Variants in WDR7 observed in about 807,000 individuals in gnomAD.
WDR7 encodes WD repeat-containing protein 7.
In WDR7, 46 loss-of-function variants were observed where a neutral mutation model predicts 169.4. The observed-to-expected ratio is 0.27, with a 90% CI of 0.21 to 0.35. The LOEUF is 0.35. Among genes scored for constraint, WDR7 ranks in the 10% least tolerant of loss-of-function variants. The probability of loss-of-function intolerance (pLI) is 1.00; values close to 1 mark genes in which losing one functional copy is unlikely to be tolerated. For missense variants in WDR7, 1,534 were observed against 1,859.3 expected (o/e 0.83, Z 3.22); for synonymous variants, 612 against 666.8 (o/e 0.92, Z 1.27).
intron 12 of WDR7, chr18:56,699,880 C>CA (rs1463223982): frequency 1.0e-6 from 1 of 985,234 alleles, no homozygotes; most frequent in Admixed American, 6.1e-5. Context: ...AGACAGACTC[C>CA]AGACCCCCTT....
At chr18:56,730,992 A>C (rs1216546993) in intron 13 of WDR7, among the ~76,000 whole-genome samples, 1 of 152,188 alleles carries the variant, frequency 6.6e-6, no homozygotes, top group Admixed American at 6.5e-5. Flanking sequence ...AATTTTAGTA[A>C]GACTTTTTTC....
chr18:56,669,160 G>C (rs1472061016), intron 1 of WDR7, among the ~76,000 whole-genome samples: 1 of 152,050 alleles, frequency 6.6e-6, no homozygotes, highest in Non-Finnish European at 1.5e-5. Flanking sequence ...TGCTCTTGTT[G>C]ACTGGAGTAT....
Position 56,686,750 on chromosome 18 carries a change from C to G in WDR7, c.598-105C>G, listed in dbSNP as rs2025451568. 4 of 963,682 alleles carry G rather than the reference C, an allele frequency of 4.2e-6. No individual in the cohort carries two copies. The South Asian group carries it at 5.9e-5, about 14-fold the overall frequency. 59.7% of individuals were successfully genotyped at this position (963,682 alleles called of 1,614,324 possible). A position where few individuals can be genotyped will look rare whatever the true frequency, so the allele number is the denominator to read the frequency against. On this transcript the variant is annotated intron_variant, in intron 6 of 27. Transcript: ENST00000254442. ...TTACCTGAGGGGCTAAAATGATGAA[C>G]ATATGAAGCGATGCCTTTATTTAAT...
intron 26 of WDR7, among the ~76,000 whole-genome samples, chr18:57,001,831 A>G (rs919980088): frequency 3.3e-5 from 5 of 152,148 alleles, no homozygotes; most frequent in African/African-American, 9.6e-5. Flanking sequence ...CATCACGTTT[A>G]TGTTTATCTG....
At chr18:56,829,750 G>C (rs1165087727) in intron 20 of WDR7, among the ~76,000 whole-genome samples, 2 of 152,194 alleles carry the variant, frequency 1.3e-5, no homozygotes, top group African/African-American at 4.8e-5. Context: ...ATTTTATTAA[G>C]AACTGTGATA....
chr18:56,806,191 A>G (rs1396092590), intron 19 of WDR7, among the ~76,000 whole-genome samples: 1 of 152,206 alleles, frequency 6.6e-6, no homozygotes, highest in Non-Finnish European at 1.5e-5. Context: ...TCTCTAGTGT[A>G]AAGTCCTTGT....
intron 26 of WDR7, among the ~76,000 whole-genome samples, chr18:57,003,444 T>C (rs1484626175): frequency 6.6e-6 from 1 of 152,012 alleles, no homozygotes; most frequent in African/African-American, 2.4e-5. Flanking sequence ...AAAAAGTCCT[T>C]TAAAAAGCAC....
At chr18:56,850,222 T>G (rs2045621706) in intron 20 of WDR7, among the ~76,000 whole-genome samples, 1 of 152,248 alleles carries the variant, frequency 6.6e-6, no homozygotes, top group African/African-American at 2.4e-5. Context: ...AGTTTTATTT[T>G]CCTTATAAAA....
At chr18:56,940,430 T>G (rs138256733) in intron 25 of WDR7, among the ~76,000 whole-genome samples, 205 of 152,288 alleles carry the variant, frequency 1.3e-3, no homozygotes, top group African/African-American at 4.7e-3. Flanking sequence ...CATCCCAAAA[T>G]TTAAAAACAT....
At chr18:56,997,143 C>T (rs2047909404) in intron 26 of WDR7, among the ~76,000 whole-genome samples, 1 of 152,106 alleles carries the variant, frequency 6.6e-6, no homozygotes. Context: ...TAAAACAAAC[C>T]TGGATAAACA....
downstream of WDR7, chr18:57,031,636 C>A (rs979000509): frequency 1.3e-5 from 2 of 152,140 alleles, no homozygotes; most frequent in African/African-American, 4.8e-5. Context: ...TAATAAATCC[C>A]GTTCTATTCT....
intron 1 of WDR7, among the ~76,000 whole-genome samples, chr18:56,655,517 G>A (rs2024747477): frequency 6.6e-6 from 1 of 151,690 alleles, no homozygotes; most frequent in African/African-American, 2.4e-5. Flanking sequence ...CTACTTGGGG[G>A]GCTGAGGTGG....
chr18:56,756,468 C>T (rs565489102), intron 14 of WDR7, 115 bp from the exon 15 acceptor site: 2 of 956,144 alleles, frequency 2.1e-6, no homozygotes, highest in African/African-American at 3.3e-5. Flanking sequence ...ATATAGGTTC[C>T]TAGAAGGACA....
intron 26 of WDR7, chr18:57,010,254 T>C: frequency 2.0e-6 from 2 of 985,470 alleles, no homozygotes; most frequent in Non-Finnish European, 2.4e-6. Context: ...ACATTTTGTG[T>C]GACTTTTTAG....
intron 20 of WDR7, among the ~76,000 whole-genome samples, chr18:56,823,878 C>T (rs1041379251): frequency 6.6e-6 from 1 of 152,130 alleles, no homozygotes; most frequent in South Asian, 2.1e-4. Flanking sequence ...TTCAGATTAT[C>T]GTTGCATTTT....
chr18:56,719,640 A>G (rs1280550832), intron 13 of WDR7, among the ~76,000 whole-genome samples: 1 of 149,998 alleles, frequency 6.7e-6, no homozygotes, highest in Admixed American at 6.6e-5. Flanking sequence ...TCTTTATGTT[A>G]TGTCCTATCT....
chr18:56,753,148 G>T (rs945614369), intron 14 of WDR7: 5 of 152,150 alleles, frequency 3.3e-5, no homozygotes, highest in Non-Finnish European at 7.4e-5. Flanking sequence ...ACAGAAGGGA[G>T]ACCAGTTAAG....
At chr18:56,758,165 T>C (rs566878206) in intron 15 of WDR7, among the ~76,000 whole-genome samples, 44 of 152,262 alleles carry the variant, frequency 2.9e-4, no homozygotes, top group Admixed American at 1.6e-3. Flanking sequence ...CAATTTGTCT[T>C]TTTATGGAGA....
chr18:56,860,588 A>G (rs755115577), intron 20 of WDR7, among the ~76,000 whole-genome samples: 1 of 152,244 alleles, frequency 6.6e-6, no homozygotes, highest in East Asian at 1.9e-4. Flanking sequence ...GAAAAAACTC[A>G]TTAGGATTGT....
Sources: allele counts gnomAD v4.1 joint callset (sites outside exome capture counted in the v4.1 genomes callset), GRCh38; gene constraint gnomAD v4.1.1; transcripts MANE v1.5; gene names NCBI Gene and HGNC (gene_info 2026-07-23, HGNC 2026-07-21).